Variants in ZNF469 observed in about 807,000 individuals in gnomAD.
ZNF469 encodes the protein zinc finger protein 469.
ZNF469 carries 1 observed loss-of-function variant against 1.0 expected under a neutral mutation model. The ratio of observed to expected loss-of-function variants is 1.00; its 90% CI spans 0.35 to 4.73. The LOEUF is 4.73. Ranked by LOEUF, ZNF469 falls within the 30% of genes most tolerant of loss-of-function variation. The probability of loss-of-function intolerance (pLI) is 0.16; values close to 1 mark genes in which losing one functional copy is unlikely to be tolerated. For missense variants in ZNF469, 6,100 were observed against 5,356.3 expected, an observed-to-expected ratio of 1.14 and a Z score of -4.33; for synonymous variants, 2,703 against 2,363.4, an observed-to-expected ratio of 1.14 and a Z score of -4.17.
the ZNF469 span, among the ~76,000 whole-genome samples, chr16:88,305,664 A>G: frequency 3.9e-5 from 6 of 152,004 alleles, no homozygotes; most frequent in African/African-American, 1.5e-4. Context: ...GCACACCTTC[A>G]CATACACACA....
At chr16:88,361,469 A>G in the ZNF469 span, among the ~76,000 whole-genome samples, 1 of 152,260 alleles carries the variant, frequency 6.6e-6, no homozygotes, top group African/African-American at 2.4e-5. Flanking sequence ...CGCATTTCCC[A>G]GAAGACTGAT....
At chr16:88,358,578 A>G in the ZNF469 span, among the ~76,000 whole-genome samples, 1 of 152,124 alleles carries the variant, frequency 6.6e-6, no homozygotes, top group Admixed American at 6.5e-5. Context: ...TATTTCCATC[A>G]GTGACATGGA....
At chr16:88,301,434 G>A in the ZNF469 span, among the ~76,000 whole-genome samples, 1 of 152,198 alleles carries the variant, frequency 6.6e-6, no homozygotes, top group Non-Finnish European at 1.5e-5. Flanking sequence ...GATTACAGGT[G>A]TGAGCCACCG....
At position 88,431,725 on chromosome 16, in the gene ZNF469, G is replaced by T; in HGVS notation, c.4255G>T (p.Gly1419Cys). Residue 1419 changes from glycine to cysteine, a missense_variant, in exon 3 of 3, where the codon GGC becomes TGC. Transcript: ENST00000565624. ...PASSSCLCQD[G>C]EDAGSLEPQL... Reference sequence around the variant, plus strand: ...CAGCAGCTCCTGCCTTTGCCAGGACGGCGAGGATGCCGGTTCCCTCGAGCC... The same window carrying T: ...CAGCAGCTCCTGCCTTTGCCAGGACTGCGAGGATGCCGGTTCCCTCGAGCC... The T allele has an allele frequency of 6.5e-7, 1 of 1,550,286 alleles. No individual in the cohort carries two copies. The highest frequency in any genetic ancestry group is 8.7e-7 in the Non-Finnish European group (1 of 1,146,980).
At chr16:88,109,416 T>A in the ZNF469 span, among the ~76,000 whole-genome samples, 1 of 152,256 alleles carries the variant, frequency 6.6e-6, no homozygotes, top group African/African-American at 2.4e-5. Flanking sequence ...GGCATGAGGC[T>A]TCTCCCCGGC....
At chr16:88,302,159 G>C in the ZNF469 span, among the ~76,000 whole-genome samples, 3 of 152,330 alleles carry the variant, frequency 2.0e-5, no homozygotes, top group South Asian at 6.2e-4. Flanking sequence ...GGAGACTCGG[G>C]GGGTAACCGA....
At chr16:88,253,831 G>A in the ZNF469 span, among the ~76,000 whole-genome samples, 30 of 152,226 alleles carry the variant, frequency 2.0e-4, no homozygotes, top group Non-Finnish European at 3.8e-4. Context: ...GCACCACCGC[G>A]CCCAGCCCTT....
the ZNF469 span, among the ~76,000 whole-genome samples, chr16:88,322,298 C>T: frequency 2.6e-5 from 4 of 152,362 alleles, no homozygotes; most frequent in South Asian, 2.1e-4. Flanking sequence ...TGAGGCCCCA[C>T]GGCCGCTCTG....
chr16:88,433,422 C>A lies in ZNF469; in HGVS notation c.5952C>A (p.Gly1984=). ...GGCTGGAGGCAGATGGACATTGGGGCTTGCTTGGCCAAGCCGAGAAAACCC... is the reference window on the plus strand; with the variant it reads ...GGCTGGAGGCAGATGGACATTGGGGATTGCTTGGCCAAGCCGAGAAAACCC... ...QLGLEADGHW[G]LLGQAEKTQG... Residue 1984 remains glycine, a synonymous_variant, in exon 3 of 3, where the codon GGC becomes GGA. Transcript: ENST00000565624. 1 of 1,550,370 alleles carries A rather than the reference C, an allele frequency of 6.5e-7. No homozygotes were observed. Among genetic ancestry groups the A allele is most frequent in the Non-Finnish European group, 8.7e-7 (1 of 1,146,960 alleles).
chr16:88,232,888 C>T, the ZNF469 span, among the ~76,000 whole-genome samples: 61 of 152,388 alleles, frequency 4.0e-4, no homozygotes, highest in African/African-American at 1.4e-3. Flanking sequence ...CCAGCCTTCT[C>T]AGCAGCCAGG....
At chr16:88,149,616 A>T in the ZNF469 span, among the ~76,000 whole-genome samples, 1 of 152,188 alleles carries the variant, frequency 6.6e-6, no homozygotes, top group East Asian at 1.9e-4. Flanking sequence ...ACTGATTTGT[A>T]CCATGGTCTC....
Position 88,429,952 on chromosome 16 carries a change from C to T in ZNF469, c.2482C>T (p.Pro828Ser), listed in dbSNP as rs1906017593. ...CCTGGCCGCCACCCCCTTCCCGCTC[C>T]CTGCCTCGGACCTGGACATGGAGGA... ...PSLAATPFPL[P>S]ASDLDMEDDA... The change falls in exon 3 of 3, where the codon CCT becomes TCT. Residue 828 changes from proline (P) to serine (S), a missense_variant. Coordinates refer to ENST00000565624, the MANE Select transcript of ZNF469 (RefSeq NM_001367624.2). The T allele has an allele frequency of 1.9e-6, 3 of 1,550,346 alleles. No homozygotes were observed. Among genetic ancestry groups the T allele is most frequent in the African/African-American group, 1.4e-5 (1 of 73,184 alleles).
chr16:88,241,416 G>A, the ZNF469 span, among the ~76,000 whole-genome samples: 4 of 151,988 alleles, frequency 2.6e-5, no homozygotes, highest in Admixed American at 2.0e-4. The surrounding 1 kb of genome is among the most constrained non-coding windows in gnomAD (Gnocchi z 4.8). Flanking sequence ...GGACCTGTAA[G>A]GCTCAAGAGA....
the ZNF469 span, among the ~76,000 whole-genome samples, chr16:88,356,776 C>T: frequency 6.6e-6 from 1 of 152,204 alleles, no homozygotes; most frequent in African/African-American, 2.4e-5. Context: ...AGCCTGTGGA[C>T]TCACCTATCT....
the ZNF469 span, among the ~76,000 whole-genome samples, chr16:88,341,032 C>A: frequency 3.9e-5 from 6 of 152,192 alleles, no homozygotes; most frequent in Non-Finnish European, 2.9e-5. Context: ...TCCTGGCCCC[C>A]TCCTGAGCCA....
the ZNF469 span, among the ~76,000 whole-genome samples, chr16:88,203,215 G>A: frequency 6.6e-6 from 1 of 152,160 alleles, no homozygotes; most frequent in African/African-American, 2.4e-5. Context: ...GAACCCCCCA[G>A]GGAGGGAGGA....
chr16:88,134,366 T>C, the ZNF469 span, among the ~76,000 whole-genome samples: 2 of 152,322 alleles, frequency 1.3e-5, no homozygotes, highest in East Asian at 3.9e-4. Context: ...GCTGGAACCA[T>C]GTGCTGGGAG....
intron 1 of ZNF469, among the ~76,000 whole-genome samples, chr16:88,390,057 C>A (rs975128597): frequency 6.6e-6 from 1 of 152,190 alleles, no homozygotes. Flanking sequence ...AGCTTTTTTC[C>A]GGGGTGGCTG....
chr16:88,211,917 T>C, the ZNF469 span, among the ~76,000 whole-genome samples: 1 of 152,232 alleles, frequency 6.6e-6, no homozygotes, highest in African/African-American at 2.4e-5. Context: ...ACCCTCCATT[T>C]CATGCTTTTC....
Sources: allele counts gnomAD v4.1 joint callset (sites outside exome capture counted in the v4.1 genomes callset), GRCh38; gene constraint gnomAD v4.1.1; non-coding constraint Gnocchi (gnomAD v3.1); transcripts MANE v1.5; gene names NCBI Gene and HGNC (gene_info 2026-07-23, HGNC 2026-07-21).